DEFB114: variants seen among roughly 807,000 people sequenced by gnomAD.
DEFB114 encodes defensin beta 114.
A neutral mutation model predicts 2.4 loss-of-function variants in DEFB114; 4 were observed. The observed-to-expected ratio is 1.67, with a 90% CI of 0.82 to 3.82. The LOEUF is 3.82. Among genes scored for constraint, DEFB114 ranks in the 30% most tolerant of loss-of-function variants. The pLI, the probability that DEFB114 is intolerant of heterozygous loss-of-function variation, is 0.01. For missense variants in DEFB114, 113 were observed against 85.8 expected (o/e 1.32, Z -1.25); for synonymous variants, 35 against 24.6 (o/e 1.42, Z -1.26).
intron 1 of DEFB114, among the ~76,000 whole-genome samples, chr6:49,963,016 T>C (rs933801904): frequency 2.0e-5 from 3 of 150,352 alleles, no homozygotes; most frequent in Non-Finnish European, 3.0e-5. Flanking sequence ...TCCATAATAA[T>C]TAAGCTTCTA....
intron 1 of DEFB114, 130 bp from the exon 2 acceptor site, chr6:49,960,576 A>T (rs1773441722): frequency 2.3e-6 from 2 of 872,300 alleles, no homozygotes; most frequent in African/African-American, 3.5e-5. Flanking sequence ...ATCCATGTAT[A>T]TCTTATACCC....
chr6:49,962,533 A>C (rs1354819704), intron 1 of DEFB114, among the ~76,000 whole-genome samples: 1 of 150,292 alleles, frequency 6.7e-6, no homozygotes, highest in African/African-American at 2.4e-5. Flanking sequence ...ATTTTTCTCC[A>C]TATAGAGCTT....
chr6:49,962,667 T>C (rs1181978560), intron 1 of DEFB114, among the ~76,000 whole-genome samples: 2 of 150,472 alleles, frequency 1.3e-5, no homozygotes, highest in Non-Finnish European at 1.5e-5. Flanking sequence ...TAAATTCTTT[T>C]ACATTAACTT....
intron 1 of DEFB114, among the ~76,000 whole-genome samples, chr6:49,961,484 C>A (rs2113912024): frequency 6.6e-6 from 1 of 150,844 alleles, no homozygotes; most frequent in East Asian, 2.0e-4. Context: ...ATATGCTAAA[C>A]TCACAAACTC....
intron 1 of DEFB114, 54 bp downstream of exon 1, chr6:49,963,997 T>TTTCTATTTA: frequency 7.7e-7 from 1 of 1,298,184 alleles, no homozygotes. Flanking sequence ...TAATTTATTA[T>TTTCTATTTA]TTCTATTTCT....
intron 1 of DEFB114, among the ~76,000 whole-genome samples, chr6:49,962,642 T>A: frequency 6.6e-6 from 1 of 150,578 alleles, no homozygotes; most frequent in East Asian, 1.9e-4. Context: ...ACTACTTGTA[T>A]GTTAAAATTG....
chr6:49,963,811 CA>C (rs1056713410), intron 1 of DEFB114, among the ~76,000 whole-genome samples: 3 of 149,288 alleles, frequency 2.0e-5, no homozygotes, highest in African/African-American at 7.3e-5. Context: ...AAACTCAGTC[CA>C]AAAAAATTGA....
intron 1 of DEFB114, among the ~76,000 whole-genome samples, chr6:49,961,948 T>C (rs1773467977): frequency 6.6e-6 from 1 of 150,862 alleles, no homozygotes; most frequent in South Asian, 2.1e-4. Context: ...TTTGTATAAC[T>C]ATAATTCTTC....
chr6:49,962,439 C>G (rs73737275), intron 1 of DEFB114, among the ~76,000 whole-genome samples: 14,976 of 150,236 alleles, frequency 0.1, 867 homozygotes, highest in Non-Finnish European at 0.13. Flanking sequence ...TTCTATTGGA[C>G]AGTCTGTCTT....
Position 49,964,090 on chromosome 6 carries a change from A to G in DEFB114, c.16T>C (p.Tyr6His), listed in dbSNP as rs764978252. 24 of 1,586,570 alleles carry G rather than the reference A, an allele frequency of 1.5e-5. No individual in the cohort carries two copies. The highest frequency in any genetic ancestry group is 2.0e-5 in the Non-Finnish European group (23 of 1,163,138). ...GTCACATAACACAGAAAATGGAGAT[A>G]GTAAAAGATCCTCATTCTGTAGAAA... MRIFY[Y>H]LHFLCYVTFI... The change falls in exon 1 of 2, where the codon TAT becomes CAT. Residue 6 changes from tyrosine to histidine, a missense_variant. By Grantham distance (83) the Tyr-to-His change is moderately conservative. Coordinates refer to ENST00000322066, the MANE Select transcript of DEFB114 (RefSeq NM_001037499.2).
chr6:49,962,806 C>G (rs982548344), intron 1 of DEFB114, among the ~76,000 whole-genome samples: 1 of 150,308 alleles, frequency 6.7e-6, no homozygotes, highest in Non-Finnish European at 1.5e-5. Context: ...GGAACCAGCC[C>G]TATTTATTGA....
chr6:49,960,513 T>G (rs1163216307), intron 1 of DEFB114, 67 bp from the exon 2 acceptor site: 1 of 1,488,826 alleles, frequency 6.7e-7, no homozygotes, highest in East Asian at 2.4e-5. Context: ...TCTGATTTCA[T>G]AGAGTATGAT....
chr6:49,960,972 A>G (rs1773449397), intron 1 of DEFB114, among the ~76,000 whole-genome samples: 1 of 150,756 alleles, frequency 6.6e-6, no homozygotes, highest in Admixed American at 6.6e-5. Flanking sequence ...TATGTTGAAT[A>G]CTTTTCCTTC....
chr6:49,960,993 AT>A (rs1469366724), intron 1 of DEFB114, among the ~76,000 whole-genome samples: 1 of 150,678 alleles, frequency 6.6e-6, no homozygotes, highest in African/African-American at 2.4e-5. Flanking sequence ...TTTTTATAAA[AT>A]TTTTTACATG....
chr6:49,962,080 T>C (rs1233301350), intron 1 of DEFB114, among the ~76,000 whole-genome samples: 1 of 150,558 alleles, frequency 6.6e-6, no homozygotes, highest in Non-Finnish European at 1.5e-5. Flanking sequence ...TTGGGGCACA[T>C]GCTCAGGCAT....
At chr6:49,963,755 A>C (rs1773498735) in intron 1 of DEFB114, among the ~76,000 whole-genome samples, 1 of 149,810 alleles carries the variant, frequency 6.7e-6, no homozygotes, top group African/African-American at 2.4e-5. Flanking sequence ...CTTATAAATA[A>C]ATTTAATATA....
In DEFB114 at chr6:49,960,359, T is replaced by C; in HGVS notation, c.143A>G (p.Asp48Gly). ...RDCLESEKQI[D>G]ICSLPRKICC... Reference sequence around the variant, plus strand: ...AATTTTTCTTGGTAAGGAACATATGTCTATTTGCTTTTCACTCTCAAGACA... The same window carrying C: ...AATTTTTCTTGGTAAGGAACATATGCCTATTTGCTTTTCACTCTCAAGACA... Residue 48 changes from aspartate to glycine, a missense_variant, in exon 2 of 2, where the codon GAC (aspartate) becomes GGC (glycine). By Grantham distance (94) the Asp-to-Gly change is moderately conservative. Transcript: ENST00000322066. 2 of 1,608,690 alleles carry C rather than the reference T, an allele frequency of 1.2e-6. No homozygotes were observed. The highest frequency in any genetic ancestry group is 1.7e-6 in the Non-Finnish European group (2 of 1,176,732).
chr6:49,961,588 C>T (rs1050513768), intron 1 of DEFB114, among the ~76,000 whole-genome samples: 1 of 150,656 alleles, frequency 6.6e-6, no homozygotes, highest in African/African-American at 2.4e-5. Flanking sequence ...GTAATAGAAA[C>T]AGCAGATGCT....
chr6:49,962,154 A>G (rs1055412733), intron 1 of DEFB114, among the ~76,000 whole-genome samples: 1 of 150,558 alleles, frequency 6.6e-6, no homozygotes, highest in Admixed American at 6.6e-5. Flanking sequence ...CTTCAACATT[A>G]ATAGATAATG....
Sources: allele counts gnomAD v4.1 joint callset (sites outside exome capture counted in the v4.1 genomes callset), GRCh38; gene constraint gnomAD v4.1.1; transcripts MANE v1.5; gene names NCBI Gene and HGNC (gene_info 2026-07-23, HGNC 2026-07-21).